Variants in TUSC3 observed in about 807,000 individuals in gnomAD.
TUSC3 encodes the protein tumor suppressor candidate 3.
TUSC3 carries 45 observed loss-of-function variants against 44.8 expected under a neutral mutation model. The observed-to-expected ratio is 1.00, with a 90% confidence interval of 0.79 to 1.29. TUSC3 has a LOEUF of 1.29. Among genes scored for constraint, TUSC3 ranks in the 50% most tolerant of loss-of-function variants. TUSC3 has a pLI of 0.00. For missense variants in TUSC3, 519 were observed against 437.9 expected (o/e 1.19, Z -1.65); for synonymous variants, 212 against 152.9 (o/e 1.39, Z -2.85).
intron 1 of TUSC3, among the ~76,000 whole-genome samples, chr8:15,578,014 T>C (rs1803183114): frequency 6.7e-6 from 1 of 149,708 alleles, no homozygotes; most frequent in Non-Finnish European, 1.5e-5. Context: ...TAGTTCTCCT[T>C]GAAGAGGTCC....
chr8:15,639,323 C>T (rs544014471), intron 2 of TUSC3, among the ~76,000 whole-genome samples: 1 of 152,194 alleles, frequency 6.6e-6, no homozygotes, highest in Non-Finnish European at 1.5e-5. Flanking sequence ...TGCTAGATCA[C>T]GTGATGTTCA....
chr8:15,753,238 T>C (rs543546440), intron 9 of TUSC3, among the ~76,000 whole-genome samples: 2 of 152,180 alleles, frequency 1.3e-5, no homozygotes, highest in East Asian at 3.9e-4. Flanking sequence ...AAAATCCCTC[T>C]AATTATATCT....
chr8:15,817,018 T>A, the TUSC3 span, among the ~76,000 whole-genome samples: 1 of 152,220 alleles, frequency 6.6e-6, no homozygotes, highest in Non-Finnish European at 1.5e-5. Flanking sequence ...AGTTACTGAT[T>A]AGTAATTTGG....
intron 1 of TUSC3, among the ~76,000 whole-genome samples, chr8:15,622,130 A>T (rs1239959085): frequency 6.6e-6 from 1 of 152,052 alleles, no homozygotes; most frequent in Non-Finnish European, 1.5e-5. Context: ...GCTTGGTTAA[A>T]TGGCACATTT....
chr8:15,824,805 A>G, the TUSC3 span, among the ~76,000 whole-genome samples: 1 of 152,304 alleles, frequency 6.6e-6, no homozygotes, highest in African/African-American at 2.4e-5. Flanking sequence ...TATAACTATC[A>G]CAGAATTCCC....
At chr8:15,464,158 C>T (rs1201654754) in intron 1 of TUSC3, among the ~76,000 whole-genome samples, 1 of 152,152 alleles carries the variant, frequency 6.6e-6, no homozygotes, top group Non-Finnish European at 1.5e-5. Flanking sequence ...ACTGATTCTT[C>T]CAGGTAAGAT....
the TUSC3 span, among the ~76,000 whole-genome samples, chr8:15,775,003 A>T: frequency 6.6e-6 from 1 of 152,164 alleles, no homozygotes; most frequent in Non-Finnish European, 1.5e-5. Flanking sequence ...TAGGTGTTTA[A>T]ACAAAACTTG....
At position 15,572,509 on chromosome 8, in the gene TUSC3, T is replaced by C. The variant is rs1381176445; in HGVS notation, c.138+31941T>C. On this transcript the variant is annotated intron_variant, in intron 1 of 10. Coordinates refer to ENST00000503731, the MANE Select transcript of TUSC3 (RefSeq NM_006765.4). ...TAAGGCTGTTTTGCTTTCTTACCAT[T>C]GATGTGTTCACTGGAGTAGCACTTT... Among the ~76,000 whole-genome samples, 7 of 152,310 alleles carry C rather than the reference T, an allele frequency of 4.6e-5. No homozygotes were observed. The East Asian group carries it at 7.7e-4, about 17-fold the overall frequency.
chr8:15,542,270 G>T (rs536837706), intron 1 of TUSC3, among the ~76,000 whole-genome samples: 2 of 152,162 alleles, frequency 1.3e-5, no homozygotes, highest in East Asian at 3.9e-4. Context: ...AAAGGAATGT[G>T]GAGACCATGG....
chr8:15,470,136 A>G (rs117488898), intron 1 of TUSC3, among the ~76,000 whole-genome samples: 1,841 of 151,650 alleles, frequency 0.012, 18 homozygotes, highest in Non-Finnish European at 0.019. Flanking sequence ...TAGCCTAGGC[A>G]TGGTAGTGCG....
intron 5 of TUSC3, among the ~76,000 whole-genome samples, chr8:15,673,007 G>T (rs1188886272): frequency 6.6e-6 from 1 of 151,994 alleles, no homozygotes; most frequent in Non-Finnish European, 1.5e-5. Context: ...AGGAGTCCCA[G>T]TTCATTAACT....
At chr8:15,649,987 A>T (rs1294184670) in intron 2 of TUSC3, among the ~76,000 whole-genome samples, 1 of 152,100 alleles carries the variant, frequency 6.6e-6, no homozygotes, top group East Asian at 1.9e-4. Flanking sequence ...TATAAATGCC[A>T]TTTTTCTGTT....
chr8:15,439,550 C>G (rs1212723700), intron 1 of TUSC3, among the ~76,000 whole-genome samples: 2 of 152,170 alleles, frequency 1.3e-5, no homozygotes, highest in Non-Finnish European at 2.9e-5. Context: ...GAGCAAGACC[C>G]TGTCTCAAAA....
intron 7 of TUSC3, among the ~76,000 whole-genome samples, chr8:15,739,221 T>G (rs1239611732): frequency 6.6e-6 from 1 of 152,186 alleles, no homozygotes; most frequent in East Asian, 1.9e-4. Flanking sequence ...TAGTTGGACA[T>G]TTACATTTTA....
chr8:15,450,686 AAAT>A (rs1563254120), intron 1 of TUSC3, among the ~76,000 whole-genome samples: 1 of 152,144 alleles, frequency 6.6e-6, no homozygotes, highest in Non-Finnish European at 1.5e-5. Flanking sequence ...AAATAAGTAA[AAAT>A]AATAAAAGTA....
chr8:15,536,637 G>T (rs560169873), upstream of TUSC3, among the ~76,000 whole-genome samples: 3 of 130,306 alleles, frequency 2.3e-5, no homozygotes, highest in Non-Finnish European at 3.1e-5. Context: ...AGCTGAGATT[G>T]TGCCACTGCA....
chr8:15,464,931 C>A (rs570880117), intron 1 of TUSC3, among the ~76,000 whole-genome samples: 3 of 152,228 alleles, frequency 2.0e-5, no homozygotes. Flanking sequence ...CTCACTGCAA[C>A]CTCTTCCTCC....
chr8:15,608,091 T>C (rs1347956809), intron 1 of TUSC3, among the ~76,000 whole-genome samples: 1 of 152,210 alleles, frequency 6.6e-6, no homozygotes, highest in Non-Finnish European at 1.5e-5. Context: ...CATTTAAATG[T>C]ATTTGCATTT....
intron 5 of TUSC3, among the ~76,000 whole-genome samples, chr8:15,672,320 A>G (rs936367575): frequency 2.0e-5 from 3 of 152,026 alleles, no homozygotes; most frequent in African/African-American, 4.8e-5. Context: ...AAAGATTGAT[A>G]CCAATATTAT....
Sources: gnomAD v4.1 joint callset for allele counts (sites outside exome capture counted in the v4.1 genomes callset) on GRCh38, gnomAD v4.1.1 for gene constraint, MANE v1.5 for transcripts, NCBI Gene and HGNC (gene_info 2026-07-23, HGNC 2026-07-21) for gene names.